Variants in RYR1 observed in about 807,000 individuals in gnomAD.
RYR1 encodes the protein central core disease of muscle.
Under a neutral mutation model 583.5 loss-of-function variants are expected in RYR1, and 342 were observed. The ratio of observed to expected loss-of-function variants is 0.59; its 90% CI spans 0.54 to 0.64. The LOEUF is 0.64. Ranked by LOEUF, RYR1 falls within the 30% of genes least tolerant of loss-of-function variation. The probability of loss-of-function intolerance (pLI) is 0.00; values close to 1 mark genes in which losing one functional copy is unlikely to be tolerated. For synonymous variants in RYR1, 2,791 were observed against 2,822.5 expected, an observed-to-expected ratio of 0.99 and a Z score of 0.35; for missense variants, 6,032 against 6,917.2, an observed-to-expected ratio of 0.87 and a Z score of 4.54.
At chr19:38,569,166 A>T (rs1973593872) in intron 93 of RYR1, among the ~76,000 whole-genome samples, 1 of 152,100 alleles carries the variant, frequency 6.6e-6, no homozygotes, top group Non-Finnish European at 1.5e-5. Flanking sequence ...GCCCGCCGCC[A>T]CGCCTGGCTA....
rs191990434 is a variant in RYR1 at position 38,503,408 on chromosome 19, C to T, written c.7926+438C>T. 1.5e-3 allele frequency among the ~76,000 whole-genome samples: 223 copies of T among 151,276 alleles called. 2 individuals are homozygous for T. Among genetic ancestry groups the T allele is most frequent in the South Asian group, 3.8e-3 (18 of 4,778 alleles). On this transcript the variant is annotated intron_variant, in intron 49 of 105. Coordinates refer to ENST00000359596, the MANE Select transcript of RYR1 (RefSeq NM_000540.3). ...ATTTTTTCATTTGCATGCTAATTTG[C>T]ATAAAGAGATACCCCCAACTCAGAT...
In RYR1 at chr19:38,567,803, C is replaced by T. The variant is rs1374723358; in HGVS notation, c.13545C>T (p.Pro4515=). Residue 4515 remains proline (P), a synonymous_variant, in exon 93 of 106, where the codon CCC becomes CCT. Coordinates refer to ENST00000359596, the MANE Select transcript of RYR1 (RefSeq NM_000540.3). ...AGAATGGGGAGAAGGAAGAAGTTCC[C>T]GAGCCCACACCAGAGCCCCCCAAGA... The part of the protein sequence containing the change: ...DAENGEKEEV[P]EPTPEPPKKQ... 12 of 1,614,010 alleles carry T rather than the reference C, an allele frequency of 7.4e-6. No individual in the cohort carries two copies. The highest frequency in any genetic ancestry group is 1.6e-4 in the Middle Eastern group (1 of 6,078).
chr19:38,523,359 C>T (rs759092979), intron 69 of RYR1, 50 bp downstream of exon 69: 7 of 1,606,686 alleles, frequency 4.4e-6, no homozygotes, highest in African/African-American at 2.7e-5. Context: ...GCGGGAGCAC[C>T]CTCTAGGACT....
intron 103 of RYR1, 27 bp downstream of exon 103, chr19:38,586,029 A>G: frequency 6.2e-7 from 1 of 1,614,036 alleles, no homozygotes; most frequent in Admixed American, 1.7e-5. Flanking sequence ...GGTGACCCAG[A>G]GGGATTACGG....
intron 35 of RYR1, 36 bp downstream of exon 35, chr19:38,489,479 A>T (rs1969456041): frequency 1.2e-6 from 2 of 1,613,212 alleles, no homozygotes; most frequent in Non-Finnish European, 1.7e-6. Flanking sequence ...GCCTCTGTCC[A>T]TCTGGGCTGG....
At chr19:38,454,154 C>G (rs995746308) in intron 13 of RYR1, among the ~76,000 whole-genome samples, 64 of 152,310 alleles carry the variant, frequency 4.2e-4, no homozygotes, top group African/African-American at 1.5e-3. Flanking sequence ...CTCCTGCCTC[C>G]TCAGCCTCCC....
At position 38,500,123 on chromosome 19, in the gene RYR1, G is replaced by A. The variant is rs894068824; in HGVS notation, c.7323+107G>A. The A allele has an allele frequency of 2.0e-6, 2 of 982,316 alleles. No individual in the cohort carries two copies. Among genetic ancestry groups the A allele is most frequent in the Admixed American group, 3.9e-5 (2 of 51,326 alleles). The allele number at this position is 982,316 out of a possible 1,614,324, so 60.8% of individuals were successfully genotyped here. ...CGGAGTGAGCTCCCATATGTGGGTG[G>A]TCCTGGACTAGCAATGTTGGGGACA... On this transcript the variant is annotated intron_variant, in intron 45 of 105. Coordinates refer to ENST00000359596, the MANE Select transcript of RYR1 (RefSeq NM_000540.3). This position sits in a 1 kb window ranked among gnomAD's most constrained non-coding sequence, Gnocchi z 5.9.
At chr19:38,470,194 GTGAGCTGTGTT>G (rs1968347689) in intron 27 of RYR1, among the ~76,000 whole-genome samples, 3 of 151,932 alleles carry the variant, frequency 2.0e-5, no homozygotes, top group East Asian at 3.9e-4. Context: ...AAAGGCTGCA[GTGAGCTGTGTT>G]CACACCACTG....
rs751866564 is a variant in RYR1, at chr19:38,485,654, CGCCTCTACCGCGCTGTGTGCGCCCTGG to C, written c.5002_5028del (p.Leu1668_Gly1676del). On this transcript the variant is annotated inframe_deletion, in exon 34 of 106. Coordinates refer to ENST00000359596, the MANE Select transcript of RYR1 (RefSeq NM_000540.3). ...GCAGCGCTTCCACTCGCACACCCTG[CGCCTCTACCGCGCTGTGTGCGCCCTGG>C]GCAACAATCGCGTGGCGCACGCTCT... 1.9e-6 allele frequency: 3 copies of C among 1,610,590 alleles called. No individual in the cohort carries two copies. The highest frequency in any genetic ancestry group is 2.5e-6 in the Non-Finnish European group (3 of 1,179,938).
At position 38,455,283 on chromosome 19, in the gene RYR1, A is replaced by C; in HGVS notation, c.1489A>C (p.Thr497Pro). ...TTGCATAGACCGCCTAAATGTCTAC[A>C]CCACTGCTGCCCACTTTGCTGAGTT... The part of the protein sequence containing the change: ...LNCIDRLNVY[T>P]TAAHFAEFAG... Residue 497 changes from threonine to proline, a missense_variant, in exon 14 of 106, where the codon ACC (threonine) becomes CCC (proline). Around this residue, in one of 11 missense-constraint regions of RYR1, gnomAD observed 2,627 missense variants for 2,961.3 expected, o/e 0.89. Transcript: ENST00000359596. 6.2e-7 allele frequency: 1 copy of C among 1,614,052 alleles called. No homozygotes were observed.
intron 18 of RYR1, 114 bp from the exon 19 acceptor site, chr19:38,459,032 A>T: frequency 3.3e-6 from 3 of 908,488 alleles, no homozygotes; most frequent in Non-Finnish European, 5.3e-6. Flanking sequence ...ACTTTCCATT[A>T]GGGTTTCCAG....
chr19:38,572,664 A>T (rs1973773864), intron 95 of RYR1, among the ~76,000 whole-genome samples: 1 of 149,892 alleles, frequency 6.7e-6, no homozygotes, highest in Non-Finnish European at 1.5e-5. Context: ...CTGAGTTCAG[A>T]CCTCCCTCCC....
Position 38,527,762 on chromosome 19 carries a change from C to T in RYR1, c.10802C>T (p.Ala3601Val), listed in dbSNP as rs764847097. The T allele has an allele frequency of 1.2e-6, 2 of 1,613,962 alleles. No individual in the cohort carries two copies. The highest frequency in any genetic ancestry group is 3.3e-5 in the Admixed American group (2 of 59,998). Residue 3601 changes from alanine to valine, a missense_variant, in exon 73 of 106, where the codon GCC (alanine) becomes GTC (valine). Physicochemically the swap from Ala to Val is moderately conservative, Grantham distance 64. Around this residue, in one of 11 missense-constraint regions of RYR1, gnomAD observed 1,493 missense variants for 1,715.5 expected, o/e 0.87. Transcript: ENST00000359596. ...GTGCGCAGAGTCCAGGAAGTGTCAG[C>T]CGTGCTCTACTACCTGGACCAGGTG... ...KIVRRVQEVS[A>V]VLYYLDQTEH...
chr19:38,446,551 T>C lies in RYR1; in HGVS notation c.711T>C (p.Ser237=). ...DECLTISPAD[S]DDQRRLVYYE... ...GTCTGACCATTTCCCCTGCTGACAGTGATGACCAGCGCAGGTCTGGGCTGT... is the reference window on the plus strand; with the variant it reads ...GTCTGACCATTTCCCCTGCTGACAGCGATGACCAGCGCAGGTCTGGGCTGT... The change falls in exon 8 of 106, where the codon AGT becomes AGC. Residue 237 remains serine (S), a synonymous_variant. Transcript: ENST00000359596. 5 of 1,613,954 alleles carry C rather than the reference T, an allele frequency of 3.1e-6. No individual in the cohort carries two copies. Among genetic ancestry groups the C allele is most frequent in the East Asian group, 2.2e-5 (1 of 44,880 alleles).
chr19:38,477,592 C>T, intron 29 of RYR1, 118 bp from the exon 30 acceptor site: 1 of 1,300,348 alleles, frequency 7.7e-7, no homozygotes. Context: ...TCAGATCCAA[C>T]AACTTCCTGT....
chr19:38,446,163 T>A (rs7254048), intron 7 of RYR1, among the ~76,000 whole-genome samples: 90,779 of 151,258 alleles, frequency 0.6, 27,719 homozygotes, highest in Admixed American at 0.67. Context: ...ACACACACAC[T>A]CTGACCCCAA....
At chr19:38,569,552 CAA>C (rs148980907) in intron 93 of RYR1, among the ~76,000 whole-genome samples, 10 of 140,008 alleles carry the variant, frequency 7.1e-5, no homozygotes, top group South Asian at 4.6e-4. Flanking sequence ...GACCTTGACT[CAA>C]AAAAAAAAAA....
chr19:38,550,610 A>T (rs928533583), intron 89 of RYR1, among the ~76,000 whole-genome samples: 1 of 152,102 alleles, frequency 6.6e-6, no homozygotes, highest in Non-Finnish European at 1.5e-5. Flanking sequence ...CCCTGGGCTC[A>T]GGCGATCCTC....
In RYR1 at chr19:38,497,142, G is replaced by A. The variant is rs532907006; in HGVS notation, c.6891+188G>A. ...GTTGTTCATTCATGGGATGCTTCCT[G>A]GCTGTGGGCCGGTCCGCACTCCACG... is the stretch of plus-strand genomic sequence containing the variant. On this transcript the variant is annotated intron_variant, in intron 42 of 105. Coordinates refer to ENST00000359596, the MANE Select transcript of RYR1 (RefSeq NM_000540.3). Among the ~76,000 whole-genome samples, 31 of 152,360 alleles carry A rather than the reference G, an allele frequency of 2.0e-4. No homozygotes were observed. In the South Asian group the frequency reaches 6.4e-3, roughly 32 times the overall value.
Sources: allele counts gnomAD v4.1 joint callset (sites outside exome capture counted in the v4.1 genomes callset), GRCh38; gene constraint gnomAD v4.1.1; regional missense constraint gnomAD v4.1.1; non-coding constraint Gnocchi (gnomAD v3.1); transcripts MANE v1.5; gene names NCBI Gene and HGNC (gene_info 2026-07-23, HGNC 2026-07-21).